CLMP: variants seen among roughly 807,000 people sequenced by gnomAD.
The protein encoded by CLMP is CXADR like cell adhesion molecule.
In CLMP, 27 loss-of-function variants were observed where a neutral mutation model predicts 45.2. The ratio of observed to expected loss-of-function variants is 0.60; its 90% CI spans 0.44 to 0.82. The LOEUF is 0.82. CLMP is among the 40% of genes least tolerant of loss of function. CLMP has a pLI of 0.00. For synonymous variants in CLMP, 167 were observed against 171.4 expected, an observed-to-expected ratio of 0.97 and a Z score of 0.20; for missense variants, 403 against 448.4, an observed-to-expected ratio of 0.90 and a Z score of 0.91.
chr11:123,098,082 G>T, intron 1 of CLMP, 130 bp from the exon 2 acceptor site: 1 of 640,730 alleles, frequency 1.6e-6, no homozygotes, highest in Non-Finnish European at 2.4e-6. Context: ...AAGAGTCCTA[G>T]ACCAGGTGTA....
At chr11:123,082,063 C>A (rs1049283839) in intron 5 of CLMP, among the ~76,000 whole-genome samples, 1 of 152,112 alleles carries the variant, frequency 6.6e-6, no homozygotes, top group Non-Finnish European at 1.5e-5. Context: ...AAATCAAATT[C>A]TTGATTATAA....
intron 1 of CLMP, among the ~76,000 whole-genome samples, chr11:123,128,725 T>C (rs898578603): frequency 2.6e-5 from 4 of 152,206 alleles, no homozygotes; most frequent in Non-Finnish European, 5.9e-5. Context: ...CATCAGTATC[T>C]GTCAAACAAC....
chr11:123,131,211 A>T (rs1860983397), intron 1 of CLMP, among the ~76,000 whole-genome samples: 1 of 152,120 alleles, frequency 6.6e-6, no homozygotes, highest in South Asian at 2.1e-4. Flanking sequence ...CCCCCCAAAT[A>T]GTATGACTGT....
At chr11:123,114,544 A>T (rs942948975) in intron 1 of CLMP, among the ~76,000 whole-genome samples, 11 of 149,720 alleles carry the variant, frequency 7.3e-5, no homozygotes, top group African/African-American at 2.7e-4. Flanking sequence ...GGCTCAAGCA[A>T]TTCTTCCTCC....
Position 123,073,537 on chromosome 11 carries a change from C to G in CLMP, c.1059G>C (p.Leu353=), listed in dbSNP as rs1398857998. Residue 353 remains leucine (L), a synonymous_variant, in exon 7 of 7, where the codon CTG becomes CTC. Transcript: ENST00000448775. ...SEPKKVHHAN[L]TKAETTPSMI... ...TGCTGGGTGTGGTTTCTGCTTTGGT[C>G]AGATTAGCATGGTGGACTTTCTTTG... 1.1e-5 allele frequency: 17 copies of G among 1,614,040 alleles called. No homozygotes were observed. The highest frequency in any genetic ancestry group is 1.4e-5 in the Non-Finnish European group (17 of 1,180,026).
chr11:123,149,949 C>T (rs1326847599), intron 1 of CLMP, among the ~76,000 whole-genome samples: 2 of 151,576 alleles, frequency 1.3e-5, no homozygotes, highest in African/African-American at 2.4e-5. Context: ...GGATTACAGG[C>T]GCTCGCCACC....
At chr11:123,179,208 G>T (rs1861736821) in intron 1 of CLMP, among the ~76,000 whole-genome samples, 1 of 152,230 alleles carries the variant, frequency 6.6e-6, no homozygotes, top group Non-Finnish European at 1.5e-5. Context: ...GGAAACTCCA[G>T]TTCAGAGGAG....
At chr11:123,078,054 C>T (rs1006899772) in intron 5 of CLMP, among the ~76,000 whole-genome samples, 1 of 151,484 alleles carries the variant, frequency 6.6e-6, no homozygotes, top group Non-Finnish European at 1.5e-5. Flanking sequence ...TGCAGTGAGC[C>T]GAGATCGCAC....
chr11:123,179,763 G>A (rs1038487182), intron 1 of CLMP, among the ~76,000 whole-genome samples: 1 of 152,210 alleles, frequency 6.6e-6, no homozygotes, highest in Non-Finnish European at 1.5e-5. Flanking sequence ...GGTTCAAAGA[G>A]CTTTGGGCTG....
intron 1 of CLMP, among the ~76,000 whole-genome samples, chr11:123,099,352 A>T (rs1866027951): frequency 1.3e-5 from 2 of 152,234 alleles, no homozygotes; most frequent in Non-Finnish European, 2.9e-5. Context: ...GGATGAAAAG[A>T]CAATTACACA....
intron 1 of CLMP, among the ~76,000 whole-genome samples, chr11:123,130,548 C>T (rs1472996802): frequency 1.3e-5 from 2 of 152,090 alleles, no homozygotes; most frequent in Admixed American, 6.6e-5. Context: ...AGCTGATGGC[C>T]CCTAAGTGAT....
chr11:123,109,842 T>C (rs962872132), intron 1 of CLMP, among the ~76,000 whole-genome samples: 22 of 152,228 alleles, frequency 1.4e-4, no homozygotes, highest in African/African-American at 4.6e-4. Context: ...ACCTAGCATA[T>C]CCAGAGCAAC....
At chr11:123,162,715 A>G (rs1006540069) in intron 1 of CLMP, among the ~76,000 whole-genome samples, 1 of 151,704 alleles carries the variant, frequency 6.6e-6, no homozygotes, top group African/African-American at 2.4e-5. Context: ...GGGCAACATG[A>G]CGAAACATTG....
intron 1 of CLMP, among the ~76,000 whole-genome samples, chr11:123,127,774 C>T (rs901763714): frequency 8.5e-5 from 13 of 152,074 alleles, no homozygotes; most frequent in Non-Finnish European, 1.6e-4. Context: ...CGGTGGCTCA[C>T]GCCTGTAATT....
chr11:123,164,435 C>T (rs1396216321), intron 1 of CLMP, among the ~76,000 whole-genome samples: 2 of 152,158 alleles, frequency 1.3e-5, no homozygotes, highest in Admixed American at 6.5e-5. Flanking sequence ...TCCCCAGTAG[C>T]TGGGATTACA....
intron 1 of CLMP, among the ~76,000 whole-genome samples, chr11:123,162,449 G>C (rs1280344014): frequency 6.6e-6 from 1 of 152,208 alleles, no homozygotes; most frequent in Non-Finnish European, 1.5e-5. Flanking sequence ...AATGCAAATA[G>C]AACAGAGATC....
chr11:123,136,998 T>C (rs1861082767), intron 1 of CLMP, among the ~76,000 whole-genome samples: 2 of 152,232 alleles, frequency 1.3e-5, no homozygotes, highest in South Asian at 4.1e-4. Flanking sequence ...TTGTCCTCAT[T>C]CCAAACTGGG....
intron 3 of CLMP, 109 bp from the exon 4 acceptor site, chr11:123,083,956 G>T: frequency 7.5e-7 from 1 of 1,331,070 alleles, no homozygotes; most frequent in Non-Finnish European, 1.0e-6. Flanking sequence ...CATCTGTTTT[G>T]GTCAACTTTT....
At chr11:123,150,178 A>G (rs1861293061) in intron 1 of CLMP, among the ~76,000 whole-genome samples, 1 of 144,196 alleles carries the variant, frequency 6.9e-6, no homozygotes, top group Admixed American at 7.3e-5. Flanking sequence ...AAGTAGTTGG[A>G]AAAAAATGCT....
Sources: gnomAD v4.1 joint callset for allele counts (sites outside exome capture counted in the v4.1 genomes callset) on GRCh38, gnomAD v4.1.1 for gene constraint, MANE v1.5 for transcripts, NCBI Gene and HGNC (gene_info 2026-07-23, HGNC 2026-07-21) for gene names.